AKAP11: variants seen among roughly 807,000 people sequenced by gnomAD.
AKAP11 encodes the protein A-kinase anchor protein 11.
Under a neutral mutation model 146.1 loss-of-function variants are expected in AKAP11, and 36 were observed. That is an observed-to-expected ratio of 0.25 (90% CI 0.19 to 0.33). AKAP11 has a LOEUF of 0.33. AKAP11 is among the 10% of genes least tolerant of loss of function. AKAP11 has a pLI of 1.00. For missense variants in AKAP11, 2,201 were observed against 2,197.0 expected (o/e 1.00, Z -0.04); for synonymous variants, 780 against 786.5 (o/e 0.99, Z 0.14).
At chr13:42,292,317 C>T (rs1566264637) in intron 3 of AKAP11, 68 bp from the exon 4 acceptor site, 1 of 954,382 alleles carries the variant, frequency 1.0e-6, no homozygotes. Context: ...TAAAACATCT[C>T]CAGGATCTCT....
Position 42,322,302 on chromosome 13 carries a change from G to A in AKAP11, c.*3074G>A, listed in dbSNP as rs993894750. The A allele has an allele frequency of 3.3e-5, 5 of 152,356 alleles. No homozygotes were observed. Among genetic ancestry groups the A allele is most frequent in the East Asian group, 3.8e-4 (2 of 5,324 alleles). The allele number at this position is 152,356 out of a possible 1,614,324, so 9.4% of individuals were successfully genotyped here. On this transcript the variant is annotated 3_prime_UTR_variant, in exon 13 of 13. Transcript: ENST00000025301. ...TGGTAAGAGAATTTATTTACTAAAT[G>A]CACTATGTATAAAGTGAAAGATAGT...
At chr13:42,309,748 A>G (rs1960458395) in intron 9 of AKAP11, among the ~76,000 whole-genome samples, 2 of 152,176 alleles carry the variant, frequency 1.3e-5, no homozygotes, top group African/African-American at 2.4e-5. Flanking sequence ...AACTTTATCT[A>G]GAAAAGGATA....
At chr13:42,278,380 A>ACCTTT (rs2138415815) in intron 1 of AKAP11, among the ~76,000 whole-genome samples, 1 of 152,284 alleles carries the variant, frequency 6.6e-6, no homozygotes, top group East Asian at 1.9e-4. Flanking sequence ...CAAGAAAGGA[A>ACCTTT]CTTAGCTTCC....
At position 42,292,393 on chromosome 13, in the gene AKAP11, T is replaced by A; in HGVS notation, c.60T>A (p.Ser20Arg). ...KTKASVRKSF[S>R]EDVFQSVKSL... The stretch of plus-strand genomic sequence containing the variant: ...CTTTCTTTCCCCTGCAGAGCTTCAG[T>A]GAAGATGTGTTCCAGTCTGTAAAGT... The change falls in exon 4 of 13, where the codon AGT (serine) becomes AGA (arginine). Residue 20 changes from serine to arginine, a missense_variant. By Grantham distance (110) the Ser-to-Arg change is moderately radical. Transcript: ENST00000025301. The A allele has an allele frequency of 6.4e-7, 1 of 1,559,418 alleles. No homozygotes were observed. The highest frequency in any genetic ancestry group is 8.8e-7 in the Non-Finnish European group (1 of 1,141,908).
At chr13:42,285,001 A>G (rs1255145536) in intron 1 of AKAP11, among the ~76,000 whole-genome samples, 5 of 152,236 alleles carry the variant, frequency 3.3e-5, no homozygotes, top group Non-Finnish European at 7.3e-5. Context: ...AGAAATCTCT[A>G]AAGAAGTGTG....
chr13:42,313,602 A>G (rs1011126629), intron 10 of AKAP11, among the ~76,000 whole-genome samples: 1 of 152,206 alleles, frequency 6.6e-6, no homozygotes, highest in Non-Finnish European at 1.5e-5. Flanking sequence ...TTAGTAGACT[A>G]TTTCAACTTT....
intron 6 of AKAP11, among the ~76,000 whole-genome samples, chr13:42,297,650 T>C (rs186091956): frequency 8.5e-5 from 13 of 152,140 alleles, no homozygotes; most frequent in Admixed American, 5.2e-4. Context: ...TTACCATTTC[T>C]TACAGGTGGT....
At chr13:42,285,158 A>C (rs138602683) in intron 1 of AKAP11, among the ~76,000 whole-genome samples, 1 of 152,150 alleles carries the variant, frequency 6.6e-6, no homozygotes, top group African/African-American at 2.4e-5. Context: ...TCATAGTATA[A>C]ATTTATGTTA....
intron 4 of AKAP11, among the ~76,000 whole-genome samples, chr13:42,293,660 G>A (rs1959327529): frequency 6.6e-6 from 1 of 152,136 alleles, no homozygotes; most frequent in South Asian, 2.1e-4. Context: ...TCCTCCAGTG[G>A]TTTTCCAGCT....
At position 42,292,324 on chromosome 13, in the gene AKAP11, C is replaced by G. The variant is rs555566408; in HGVS notation, c.52-61C>G. On this transcript the variant is annotated intron_variant, in intron 3 of 12. Coordinates refer to ENST00000025301, the MANE Select transcript of AKAP11 (RefSeq NM_016248.4). ...TGACTATCTAAAACATCTCCAGGAT[C>G]TCTTACCCTTGTCTTAGAATTAAAT... The G allele has an allele frequency of 3.0e-5, 31 of 1,045,234 alleles. No homozygotes were observed. In the African/African-American group the frequency reaches 4.0e-4, roughly 14 times the overall value. 64.7% of individuals were successfully genotyped at this position (1,045,234 alleles called of 1,614,324 possible).
chr13:42,271,768 C>G (rs532407223), upstream of AKAP11, among the ~76,000 whole-genome samples: 1 of 151,994 alleles, frequency 6.6e-6, no homozygotes. Context: ...GCCGCAGGTT[C>G]GTAGGTCGCC....
At chr13:42,286,944 T>G (rs1959171572) in intron 3 of AKAP11, among the ~76,000 whole-genome samples, 1 of 152,222 alleles carries the variant, frequency 6.6e-6, no homozygotes, top group Non-Finnish European at 1.5e-5. Context: ...AAGGGAAGAA[T>G]GGAGCCTGGA....
Position 42,300,868 on chromosome 13 carries a change from G to T in AKAP11, c.2122G>T (p.Val708Phe). The change falls in exon 8 of 13, where the codon GTT becomes TTT. Residue 708 changes from valine (V) to phenylalanine (F), a missense_variant. Val to Phe is a conservative substitution (Grantham distance 50). This residue lies in a region of AKAP11 where 1,867 missense variants were observed against 1,833.5 expected (regional missense o/e 1.02). Coordinates refer to ENST00000025301, the MANE Select transcript of AKAP11 (RefSeq NM_016248.4). ...IQEAFIELSQ[V>F]DVTFTTKAAV... The stretch of plus-strand genomic sequence containing the variant: ...GGAAGCATTCATTGAGCTATCACAA[G>T]TTGATGTGACCTTTACAACAAAGGC... 2 of 1,614,114 alleles carry T rather than the reference G, an allele frequency of 1.2e-6. No individual in the cohort carries two copies.
At chr13:42,278,604 A>G (rs1189608457) in intron 1 of AKAP11, among the ~76,000 whole-genome samples, 1 of 152,138 alleles carries the variant, frequency 6.6e-6, no homozygotes. Flanking sequence ...CTATTTTGTC[A>G]TACATTTTAT....
rs752332903 is a variant in AKAP11, at chr13:42,301,573, T to C, written c.2827T>C (p.Ser943Pro). 6.2e-7 allele frequency: 1 copy of C among 1,614,118 alleles called. No homozygotes were observed. Among genetic ancestry groups the C allele is most frequent in the South Asian group, 1.1e-5 (1 of 91,076 alleles). ...SNKDMFADRL[S>P]KSIIKHSIDK... is the part of the protein sequence containing the mutation. ...TAAGGACATGTTTGCTGACCGGTTA[T>C]CTAAATCTATTATTAAACATTCCAT... The change falls in exon 8 of 13, where the codon TCT (serine) becomes CCT (proline). Residue 943 changes from serine (S) to proline (P), a missense_variant. By Grantham distance (74) the Ser-to-Pro change is moderately conservative. This residue lies in a region of AKAP11 where 1,867 missense variants were observed against 1,833.5 expected (regional missense o/e 1.02). Transcript: ENST00000025301.
At chr13:42,285,108 G>C (rs1031704749) in intron 1 of AKAP11, among the ~76,000 whole-genome samples, 5 of 152,052 alleles carry the variant, frequency 3.3e-5, no homozygotes, top group African/African-American at 9.7e-5. Flanking sequence ...TTCTGACGGT[G>C]GGGGGCTAGA....
intron 3 of AKAP11, 125 bp from the exon 4 acceptor site, chr13:42,292,260 G>A: frequency 2.1e-6 from 1 of 468,418 alleles, no homozygotes; most frequent in Non-Finnish European, 3.8e-6. Flanking sequence ...TCCGCATTCA[G>A]TATCAAAAGG....
chr13:42,274,965 T>C (rs1284076372), intron 1 of AKAP11, among the ~76,000 whole-genome samples: 1 of 152,240 alleles, frequency 6.6e-6, no homozygotes, highest in Non-Finnish European at 1.5e-5. Flanking sequence ...TAGTAGCTGC[T>C]TACTCAGTGT....
At chr13:42,276,886 G>A (rs143446154) in intron 1 of AKAP11, among the ~76,000 whole-genome samples, 26 of 152,244 alleles carry the variant, frequency 1.7e-4, no homozygotes, top group Non-Finnish European at 3.4e-4. Context: ...GAGTCATGGC[G>A]TCATAGATGT....
Sources: gnomAD v4.1 joint callset for allele counts (sites outside exome capture counted in the v4.1 genomes callset) on GRCh38, gnomAD v4.1.1 for gene constraint, gnomAD v4.1.1 regional missense constraint, MANE v1.5 for transcripts, NCBI Gene and HGNC (gene_info 2026-07-23, HGNC 2026-07-21) for gene names.